Variants in MYCBP2 observed in about 807,000 individuals in gnomAD.
MYCBP2 encodes MYC binding protein 2, also known as E3 ubiquitin-protein ligase MYCBP2.
Under a neutral mutation model 525.3 loss-of-function variants are expected in MYCBP2, and 120 were observed. The observed-to-expected ratio is 0.23, with a 90% confidence interval of 0.20 to 0.27. The LOEUF is 0.27. MYCBP2 is among the 10% of genes least tolerant of loss of function. The pLI is 1.00. For synonymous variants in MYCBP2, 1,894 were observed against 1,955.8 expected (o/e 0.97, Z 0.83); for missense variants, 4,149 against 5,657.1 (o/e 0.73, Z 8.55).
chr13:77,131,513 A>C (rs78003014), intron 52 of MYCBP2, among the ~76,000 whole-genome samples: 125 of 59,176 alleles, frequency 2.1e-3, no homozygotes, highest in African/African-American at 3.7e-3. Flanking sequence ...CACACACACA[A>C]ACAAACACAC....
Position 77,260,529 on chromosome 13 carries a change from A to G in MYCBP2, c.1916T>C (p.Ile639Thr). Reference protein sequence around the residue: ...PKKIIKMEGKIVVYTACNNGS... With the variant: ...PKKIIKMEGKTVVYTACNNGS... ...ATTATTGCAGGCTGTATATACCACA[A>G]TCTTTCCTTCCATCTTAATTATCTT... The change falls in exon 13 of 83, where the codon ATT (isoleucine) becomes ACT (threonine). Residue 639 changes from isoleucine (I) to threonine (T), a missense_variant. Ile to Thr is a moderately conservative substitution (Grantham distance 89). This residue lies in a region of MYCBP2 where 262 missense variants were observed against 419.3 expected (regional missense o/e 0.62). Transcript: ENST00000544440. 1 of 1,611,058 alleles carries G rather than the reference A, an allele frequency of 6.2e-7. No individual in the cohort carries two copies. Among genetic ancestry groups the G allele is most frequent in the Non-Finnish European group, 8.5e-7 (1 of 1,178,726 alleles).
intron 26 of MYCBP2, among the ~76,000 whole-genome samples, chr13:77,199,082 G>C (rs969028440): frequency 1.3e-5 from 2 of 152,184 alleles, no homozygotes; most frequent in African/African-American, 4.8e-5. Context: ...AGCTCCCAGC[G>C]TGAGCAACAC....
At chr13:77,128,620 G>A (rs2052135832) in intron 52 of MYCBP2, among the ~76,000 whole-genome samples, 1 of 151,812 alleles carries the variant, frequency 6.6e-6, no homozygotes, top group East Asian at 1.9e-4. Context: ...CAATTCTTGT[G>A]CTAAACAGTA....
intron 1 of MYCBP2, among the ~76,000 whole-genome samples, chr13:77,311,125 G>A (rs1467809120): frequency 1.3e-5 from 2 of 152,154 alleles, no homozygotes; most frequent in African/African-American, 4.8e-5. Context: ...AGAGATCACT[G>A]CATTACAGGG....
chr13:77,200,226 C>T (rs941950553), intron 26 of MYCBP2, among the ~76,000 whole-genome samples: 4 of 151,878 alleles, frequency 2.6e-5, no homozygotes, highest in Non-Finnish European at 5.9e-5. Context: ...AACCAAGGCT[C>T]GAGAACTACG....
Position 77,140,839 on chromosome 13 carries a change from C to T in MYCBP2, c.7401+7G>A. ...TGATTCCGGCTCTCAATTCATTCTGCCCTAACCTTATTAGGCTGAGGTTCA... is the reference window on the plus strand; with the variant it reads ...TGATTCCGGCTCTCAATTCATTCTGTCCTAACCTTATTAGGCTGAGGTTCA... On this transcript the variant is annotated splice_region_variant and intron_variant, in intron 50 of 82. Transcript: ENST00000544440. 6.2e-7 allele frequency: 1 copy of T among 1,600,618 alleles called. No homozygotes were observed. The highest frequency in any genetic ancestry group is 8.5e-7 in the Non-Finnish European group (1 of 1,171,912).
intron 80 of MYCBP2, among the ~76,000 whole-genome samples, chr13:77,052,735 A>G (rs1269324290): frequency 6.6e-6 from 1 of 152,238 alleles, no homozygotes; most frequent in Non-Finnish European, 1.5e-5. Context: ...AATACTGTAG[A>G]ACAAAATATA....
At chr13:77,141,178 T>G (rs1159377986) in intron 49 of MYCBP2, among the ~76,000 whole-genome samples, 1 of 152,118 alleles carries the variant, frequency 6.6e-6, no homozygotes, top group African/African-American at 2.4e-5. Context: ...GCTCCCTATC[T>G]TTAACTAGAA....
rs190084435 is a variant in MYCBP2, at chr13:77,151,335, T to C, written c.6916-386A>G. On this transcript the variant is annotated intron_variant, in intron 46 of 82. Transcript: ENST00000544440. ...AATGCTTTCCCACAATCTCAGCACA[T>C]TTTAAAGCACTAATGTCAGTTTGAG... Among the ~76,000 whole-genome samples, 6 of 152,342 alleles carry C rather than the reference T, an allele frequency of 3.9e-5. No homozygotes were observed. In the East Asian group the frequency reaches 9.6e-4, roughly 24 times the overall value.
intron 1 of MYCBP2, among the ~76,000 whole-genome samples, chr13:77,323,163 G>C (rs1169829829): frequency 1.3e-5 from 2 of 152,070 alleles, no homozygotes; most frequent in Non-Finnish European, 2.9e-5. Flanking sequence ...AAAAAACTGA[G>C]GCATAGAAGT....
At chr13:77,114,643 A>G (rs2049404846) in intron 55 of MYCBP2, among the ~76,000 whole-genome samples, 1 of 152,078 alleles carries the variant, frequency 6.6e-6, no homozygotes, top group African/African-American at 2.4e-5. Flanking sequence ...TCTTGTTGCA[A>G]GGTAACCTAG....
chr13:77,310,936 T>G (rs2154375715), intron 1 of MYCBP2, among the ~76,000 whole-genome samples: 1 of 152,312 alleles, frequency 6.6e-6, no homozygotes, highest in South Asian at 2.1e-4. Context: ...CCCCACTGTT[T>G]ACAACTACTT....
intron 2 of MYCBP2, among the ~76,000 whole-genome samples, chr13:77,294,113 T>TATACATATATATATATATATATATAC (rs1384208106): frequency 1.9e-5 from 1 of 52,888 alleles, no homozygotes; most frequent in African/African-American, 5.0e-5. Flanking sequence ...GCTATATATA[T>TATACATATATATATATATATATATAC]ATATATATAT....
At chr13:77,252,794 T>A (rs2071444273) in intron 14 of MYCBP2, among the ~76,000 whole-genome samples, 1 of 152,256 alleles carries the variant, frequency 6.6e-6, no homozygotes, top group South Asian at 2.1e-4. Flanking sequence ...AGGATTAGAA[T>A]AAAGTGATCC....
At chr13:77,162,321 A>G (rs2058031306) in intron 43 of MYCBP2, among the ~76,000 whole-genome samples, 1 of 152,262 alleles carries the variant, frequency 6.6e-6, no homozygotes, top group Non-Finnish European at 1.5e-5. Context: ...GCCTTACAGA[A>G]GAGCTATGAC....
At chr13:77,297,489 C>A (rs536209481) in intron 1 of MYCBP2, among the ~76,000 whole-genome samples, 3 of 151,870 alleles carry the variant, frequency 2.0e-5, no homozygotes, top group African/African-American at 7.3e-5. Flanking sequence ...GCAGGGAGAA[C>A]GAAGGGGAGG....
chr13:77,159,860 T>C (rs1036584824), intron 44 of MYCBP2, among the ~76,000 whole-genome samples: 2 of 152,194 alleles, frequency 1.3e-5, no homozygotes, highest in Non-Finnish European at 2.9e-5. Flanking sequence ...ATAGTTCTCC[T>C]TCACCTAGAA....
rs925082844 is a variant in MYCBP2, at chr13:77,142,074, T to C, written c.7304-1131A>G. Among the ~76,000 whole-genome samples the C allele has an allele frequency of 4.6e-5, 7 of 152,160 alleles. No individual in the cohort carries two copies. In the East Asian group the frequency reaches 1.3e-3, roughly 29 times the overall value. Reference sequence around the variant, plus strand: ...GTATCAGTTTTCTTCATCCCCACTATTAGATAAGATGATGAAAAAAACTCT... The same window carrying C: ...GTATCAGTTTTCTTCATCCCCACTACTAGATAAGATGATGAAAAAAACTCT... On this transcript the variant is annotated intron_variant, in intron 49 of 82. Coordinates refer to ENST00000544440, the MANE Select transcript of MYCBP2 (RefSeq NM_015057.5).
At chr13:77,090,643 A>T (rs1193717558) in intron 59 of MYCBP2, 1 of 153,418 alleles carries the variant, frequency 6.5e-6, no homozygotes, top group Non-Finnish European at 1.5e-5. Context: ...TACACATGAA[A>T]ACCTAATAAA....
Sources: gnomAD v4.1 joint callset for allele counts (sites outside exome capture counted in the v4.1 genomes callset) on GRCh38, gnomAD v4.1.1 for gene constraint, gnomAD v4.1.1 regional missense constraint, MANE v1.5 for transcripts, NCBI Gene and HGNC (gene_info 2026-07-23, HGNC 2026-07-21) for gene names.